The following ERC2 variants were observed in gnomAD, a reference collection of about 807,000 sequenced individuals.
ERC2 encodes ELKS/RAB6-interacting/CAST family member 2, also known as ERC protein 2.
In ERC2, 42 loss-of-function variants were observed where a neutral mutation model predicts 114.8. The ratio of observed to expected loss-of-function variants is 0.37; its 90% CI spans 0.29 to 0.47. ERC2 has a LOEUF of 0.47. Ranked by LOEUF, ERC2 falls within the 20% of genes least tolerant of loss-of-function variation. The probability of loss-of-function intolerance (pLI) is 0.99; values close to 1 mark genes in which losing one functional copy is unlikely to be tolerated. For missense variants in ERC2, 939 were observed against 1,150.7 expected, an observed-to-expected ratio of 0.82 and a Z score of 2.66; for synonymous variants, 454 against 425.5, an observed-to-expected ratio of 1.07 and a Z score of -0.82.
chr3:56,270,497 A>G (rs1287268390), intron 3 of ERC2, among the ~76,000 whole-genome samples: 2 of 152,260 alleles, frequency 1.3e-5, no homozygotes, highest in Non-Finnish European at 2.9e-5. Context: ...CCAAATTAAT[A>G]AAATCTGTCA....
At chr3:55,795,726 T>C (rs2070421296) in intron 14 of ERC2, among the ~76,000 whole-genome samples, 1 of 152,150 alleles carries the variant, frequency 6.6e-6, no homozygotes, top group African/African-American at 2.4e-5. Flanking sequence ...CCCCTCAGAT[T>C]GAATCTGGGG....
intron 2 of ERC2, among the ~76,000 whole-genome samples, chr3:56,302,003 A>T (rs2055909357): frequency 6.6e-6 from 1 of 152,214 alleles, no homozygotes; most frequent in South Asian, 2.1e-4. Context: ...CTGCAGTGAC[A>T]ATAGCAACAA....
intron 2 of ERC2, among the ~76,000 whole-genome samples, chr3:56,301,075 C>A (rs1236846192): frequency 7.9e-5 from 12 of 152,040 alleles, no homozygotes; most frequent in Non-Finnish European, 5.9e-5. Flanking sequence ...ATAGAGAGAC[C>A]CCATATCTAT....
At chr3:55,755,863 TTC>T (rs1216802736) in intron 14 of ERC2, among the ~76,000 whole-genome samples, 3 of 152,222 alleles carry the variant, frequency 2.0e-5, no homozygotes, top group African/African-American at 4.8e-5. Flanking sequence ...CAGAGTCACC[TTC>T]TCTGTTTCCA....
At chr3:56,112,922 A>C (rs2079038600) in intron 6 of ERC2, among the ~76,000 whole-genome samples, 1 of 152,184 alleles carries the variant, frequency 6.6e-6, no homozygotes, top group African/African-American at 2.4e-5. Context: ...TTAGCTACCT[A>C]GGCAGAAAAG....
intron 4 of ERC2, among the ~76,000 whole-genome samples, chr3:56,157,830 C>G (rs2081821556): frequency 6.6e-6 from 1 of 151,666 alleles, no homozygotes; most frequent in Admixed American, 6.6e-5. Context: ...GGAAACTGGA[C>G]CATGCCTCAG....
At chr3:56,419,689 CAT>C (rs1365659888) in intron 2 of ERC2, among the ~76,000 whole-genome samples, 1 of 152,198 alleles carries the variant, frequency 6.6e-6, no homozygotes, top group Non-Finnish European at 1.5e-5. Context: ...ACTCCCAACA[CAT>C]GTGCAATATT....
At chr3:56,150,140 T>C (rs1360548513) in intron 4 of ERC2, among the ~76,000 whole-genome samples, 1 of 152,202 alleles carries the variant, frequency 6.6e-6, no homozygotes, top group African/African-American at 2.4e-5. Context: ...TATAACTGAA[T>C]GCTAATACAG....
At chr3:55,677,752 G>A (rs374176305) in intron 17 of ERC2, among the ~76,000 whole-genome samples, 12 of 152,270 alleles carry the variant, frequency 7.9e-5, no homozygotes, top group African/African-American at 2.9e-4. Flanking sequence ...TCTATCTGCT[G>A]AGGAACATAA....
At chr3:56,114,492 C>T (rs1298587506) in intron 6 of ERC2, among the ~76,000 whole-genome samples, 1 of 152,142 alleles carries the variant, frequency 6.6e-6, no homozygotes, top group East Asian at 1.9e-4. Flanking sequence ...CATGTCATGG[C>T]CAGGAACTCA....
chr3:56,374,233 AC>A (rs1165728108), intron 2 of ERC2, among the ~76,000 whole-genome samples: 3 of 152,122 alleles, frequency 2.0e-5, no homozygotes, highest in Non-Finnish European at 2.9e-5. Flanking sequence ...AATAGCTGGG[AC>A]TACAGGCGCC....
chr3:56,405,591 G>A (rs943543735), intron 2 of ERC2, among the ~76,000 whole-genome samples: 1 of 152,082 alleles, frequency 6.6e-6, no homozygotes, highest in Non-Finnish European at 1.5e-5. Flanking sequence ...AAGACACATA[G>A]ATACATAGCA....
chr3:55,694,948 CT>C (rs1487641454), intron 16 of ERC2, among the ~76,000 whole-genome samples: 8 of 152,278 alleles, frequency 5.3e-5, no homozygotes, highest in Admixed American at 5.2e-4. Flanking sequence ...CCAGGTTAGT[CT>C]ATACCTGGGA....
intron 17 of ERC2, among the ~76,000 whole-genome samples, chr3:55,520,293 G>A (rs1303658538): frequency 2.7e-5 from 4 of 150,372 alleles, no homozygotes; most frequent in South Asian, 2.1e-4. Context: ...AAAATTAGCC[G>A]GGCATGGTGG....
At chr3:56,441,687 C>A (rs1249061949) in intron 1 of ERC2, among the ~76,000 whole-genome samples, 2 of 152,134 alleles carry the variant, frequency 1.3e-5, no homozygotes, top group African/African-American at 4.8e-5. Flanking sequence ...TCACTGCAAC[C>A]TCCGCCTCCC....
At chr3:56,263,062 T>C (rs1288366116) in intron 3 of ERC2, among the ~76,000 whole-genome samples, 1 of 152,188 alleles carries the variant, frequency 6.6e-6, no homozygotes, top group Non-Finnish European at 1.5e-5. Context: ...CTTACTGCCT[T>C]TGGCAAGGAA....
chr3:56,106,412 T>C (rs2078667747), intron 6 of ERC2, among the ~76,000 whole-genome samples: 1 of 152,180 alleles, frequency 6.6e-6, no homozygotes, highest in East Asian at 1.9e-4. Flanking sequence ...CCAAAAGTAT[T>C]AATGTTTAAC....
intron 14 of ERC2, among the ~76,000 whole-genome samples, chr3:55,827,525 A>G (rs779110496): frequency 6.6e-6 from 1 of 152,182 alleles, no homozygotes; most frequent in Non-Finnish European, 1.5e-5. Context: ...TACAAATGCT[A>G]TATCTGATAA....
chr3:55,797,956 T>C (rs1239034086), intron 14 of ERC2, among the ~76,000 whole-genome samples: 6 of 152,162 alleles, frequency 3.9e-5, no homozygotes, highest in African/African-American at 1.4e-4. Context: ...TTTAGCCACA[T>C]AGTAGACACA....
Sources: gnomAD v4.1 joint callset for allele counts (sites outside exome capture counted in the v4.1 genomes callset) on GRCh38, gnomAD v4.1.1 for gene constraint, MANE v1.5 for transcripts, NCBI Gene and HGNC (gene_info 2026-07-23, HGNC 2026-07-21) for gene names.